STOX2: variants seen among roughly 807,000 people sequenced by gnomAD.
The protein encoded by STOX2 is storkhead-box protein 2.
STOX2 carries 28 observed loss-of-function variants against 60.9 expected under a neutral mutation model. That is an observed-to-expected ratio of 0.46 (90% CI 0.34 to 0.63). The LOEUF is 0.63. STOX2 is among the 30% of genes least tolerant of loss of function. The pLI is 0.01. For missense variants in STOX2, 1,024 were observed against 1,187.7 expected, an observed-to-expected ratio of 0.86 and a Z score of 2.03; for synonymous variants, 472 against 463.9, an observed-to-expected ratio of 1.02 and a Z score of -0.22.
chr4:183,991,999 T>C (rs1298679616), intron 1 of STOX2, among the ~76,000 whole-genome samples: 1 of 152,200 alleles, frequency 6.6e-6, no homozygotes. Context: ...TAATGCTGAA[T>C]TGAAGAGAGA....
chr4:183,852,760 T>G (rs1740187537), intron 1 of STOX2, among the ~76,000 whole-genome samples: 1 of 152,238 alleles, frequency 6.6e-6, no homozygotes, highest in Admixed American at 6.5e-5. Context: ...ACCTATTTAA[T>G]AAAACGAATG....
intron 1 of STOX2, among the ~76,000 whole-genome samples, chr4:183,911,309 A>C (rs1741774629): frequency 6.6e-6 from 1 of 152,166 alleles, no homozygotes; most frequent in Admixed American, 6.5e-5. Context: ...GACCAGAGTA[A>C]TGAGGGGGGA....
At position 183,836,624 on chromosome 4, in the gene STOX2, T is replaced by C. The variant is rs985781535; in HGVS notation, c.364+38569T>C. Among the ~76,000 whole-genome samples the C allele has an allele frequency of 2.0e-5, 3 of 152,222 alleles. No individual in the cohort carries two copies. Among genetic ancestry groups the C allele is most frequent in the African/African-American group, 7.2e-5 (3 of 41,450 alleles). Reference sequence around the variant, plus strand: ...GGGAAGGGATCTGGGAAGTGCAGTCTTCCATGTCCTGGGAAGGGGTGACCT... The same window carrying C: ...GGGAAGGGATCTGGGAAGTGCAGTCCTCCATGTCCTGGGAAGGGGTGACCT... On this transcript the variant is annotated intron_variant, in intron 1 of 2. Coordinates refer to the STOX2 transcript ENST00000513034. This position sits in a 1 kb window ranked among gnomAD's most constrained non-coding sequence, Gnocchi z 4.1.
At chr4:183,822,449 T>C (rs1313922008) in intron 1 of STOX2, among the ~76,000 whole-genome samples, 1 of 152,192 alleles carries the variant, frequency 6.6e-6, no homozygotes, top group Non-Finnish European at 1.5e-5. Context: ...ACACTCACCA[T>C]CATGTAGAAT....
At chr4:183,948,609 G>A (rs4861590) in intron 1 of STOX2, among the ~76,000 whole-genome samples, 127,747 of 144,710 alleles carry the variant, frequency 0.88, 58,266 homozygotes, top group East Asian at 1. Flanking sequence ...TTGGCTCACT[G>A]CAACCTCTGC....
chr4:183,954,404 T>C (rs964236036), intron 1 of STOX2, among the ~76,000 whole-genome samples: 4 of 152,082 alleles, frequency 2.6e-5, no homozygotes, highest in Non-Finnish European at 4.4e-5. Context: ...TTCTCTTGCC[T>C]CGGACTCCTG....
intron 1 of STOX2, among the ~76,000 whole-genome samples, chr4:183,883,130 C>T (rs1740993374): frequency 6.6e-6 from 1 of 151,948 alleles, no homozygotes; most frequent in Non-Finnish European, 1.5e-5. Context: ...CCATCTACTC[C>T]CTCCTCCCCC....
Position 184,010,243 on chromosome 4 carries a change from C to G in STOX2, c.1405C>G (p.Arg469Gly), listed in dbSNP as rs1465223374. 1 of 1,561,586 alleles carries G rather than the reference C, an allele frequency of 6.4e-7. No homozygotes were observed. The highest frequency in any genetic ancestry group is 1.2e-5 in the South Asian group (1 of 84,726). ...GGGAAGCTCCCACTCAAAAGTGCAC[C>G]GAAGCCACAGCCATACACAGGACCG... ...SRGSSHSKVHRSHSHTQDRRS... is the reference protein window; with the variant it reads ...SRGSSHSKVHGSHSHTQDRRS... The change falls in exon 3 of 4, where the codon CGA (arginine) becomes GGA (glycine). Residue 469 changes from arginine (R) to glycine (G), a missense_variant. By Grantham distance (125) the Arg-to-Gly change is moderately radical. This residue lies in a region of STOX2 where 922 missense variants were observed against 1,058.3 expected (regional missense o/e 0.87). Coordinates refer to ENST00000308497, the MANE Select transcript of STOX2 (RefSeq NM_020225.3). This position sits in a 1 kb window ranked among gnomAD's most constrained non-coding sequence, Gnocchi z 4.5.
chr4:183,836,342 A>G lies in STOX2; in HGVS notation c.364+38287A>G, dbSNP rs922971112. Among the ~76,000 whole-genome samples, 3 of 152,212 alleles carry G rather than the reference A, an allele frequency of 2.0e-5. No individual in the cohort carries two copies. The highest frequency in any genetic ancestry group is 7.2e-5 in the African/African-American group (3 of 41,458). On this transcript the variant is annotated intron_variant, in intron 1 of 2. Coordinates refer to the STOX2 transcript ENST00000513034. This position sits in a 1 kb window ranked among gnomAD's most constrained non-coding sequence, Gnocchi z 4.1. Reference sequence around the variant, plus strand: ...TGTGGTGTAGCGGGTTTCAGCAGCAACAGTGGTCTGAGGACCACTAAAAAT... The same window carrying G: ...TGTGGTGTAGCGGGTTTCAGCAGCAGCAGTGGTCTGAGGACCACTAAAAAT...
At chr4:183,942,272 T>A (rs1484275413) in intron 1 of STOX2, among the ~76,000 whole-genome samples, 2 of 141,028 alleles carry the variant, frequency 1.4e-5, no homozygotes, top group Admixed American at 1.4e-4. Context: ...GTAAATTATC[T>A]TACAAATTTG....
intron 1 of STOX2, among the ~76,000 whole-genome samples, chr4:183,971,394 G>C (rs1310194614): frequency 3.3e-5 from 5 of 152,230 alleles, no homozygotes; most frequent in Non-Finnish European, 7.3e-5. Flanking sequence ...GATCTGGTCT[G>C]TGGGTCATGT....
intron 1 of STOX2, among the ~76,000 whole-genome samples, chr4:183,926,672 G>A (rs1742250352): frequency 6.6e-6 from 1 of 151,774 alleles, no homozygotes; most frequent in Non-Finnish European, 1.5e-5. Context: ...CACCCAGGCT[G>A]GAGTGTAGTG....
chr4:183,859,181 C>T (rs1157528173), intron 1 of STOX2, among the ~76,000 whole-genome samples: 5 of 152,188 alleles, frequency 3.3e-5, no homozygotes, highest in African/African-American at 7.2e-5. Flanking sequence ...CCTTGCTCAT[C>T]GCTGTGCCCC....
rs544268320 is a variant in STOX2, at chr4:184,000,457, G to A, written c.167-868G>A. The stretch of plus-strand genomic sequence containing the variant: ...CACTCCTCCCAGCCATCATCCCCAC[G>A]GCCACCACAGTCATCTTTCTGAAAT... On this transcript the variant is annotated intron_variant, in intron 1 of 3. Transcript: ENST00000308497. Among the ~76,000 whole-genome samples, 20 of 151,964 alleles carry A rather than the reference G, an allele frequency of 1.3e-4. No homozygotes were observed. In the South Asian group the frequency reaches 2.5e-3, roughly 19 times the overall value.
intron 1 of STOX2, among the ~76,000 whole-genome samples, chr4:183,876,620 C>G (rs377039009): frequency 6.6e-6 from 1 of 152,236 alleles, no homozygotes; most frequent in African/African-American, 2.4e-5. Flanking sequence ...TGTATGGAGG[C>G]AGCCGCTCAG....
chr4:183,881,823 C>T (rs1740966877), intron 1 of STOX2, among the ~76,000 whole-genome samples: 1 of 152,170 alleles, frequency 6.6e-6, no homozygotes, highest in Non-Finnish European at 1.5e-5. Context: ...CCATCATCTG[C>T]GTAGCTTTGG....
intron 1 of STOX2, among the ~76,000 whole-genome samples, chr4:183,863,272 A>T (rs1740491948): frequency 6.6e-6 from 1 of 152,152 alleles, no homozygotes; most frequent in Non-Finnish European, 1.5e-5. Flanking sequence ...TGTGCCCCCC[A>T]CACCAGGCCA....
At chr4:183,905,113 C>A (rs572825708), upstream of STOX2, among the ~76,000 whole-genome samples, 1 of 152,326 alleles carries the variant, frequency 6.6e-6, no homozygotes, top group Non-Finnish European at 1.5e-5. Context: ...AGGAGATAAC[C>A]GTTTTTGAAT....
chr4:184,004,408 G>T (rs1733732430), intron 2 of STOX2, among the ~76,000 whole-genome samples: 1 of 152,062 alleles, frequency 6.6e-6, no homozygotes, highest in Non-Finnish European at 1.5e-5. Context: ...GACCATCCTG[G>T]TTAACACGGT....
Sources: gnomAD v4.1 joint callset for allele counts (sites outside exome capture counted in the v4.1 genomes callset) on GRCh38, gnomAD v4.1.1 for gene constraint, gnomAD v4.1.1 regional missense constraint, Gnocchi (gnomAD v3.1) non-coding constraint, MANE v1.5 for transcripts, NCBI Gene and HGNC (gene_info 2026-07-23, HGNC 2026-07-21) for gene names.